Variants in DROSHA observed in about 807,000 individuals in gnomAD.
DROSHA encodes the protein drosha ribonuclease III, also known as ribonuclease 3.
DROSHA carries 56 observed loss-of-function variants against 181.9 expected under a neutral mutation model. The observed-to-expected ratio is 0.31, with a 90% confidence interval of 0.25 to 0.38. The LOEUF is 0.38. Ranked by LOEUF, DROSHA falls within the 10% of genes least tolerant of loss-of-function variation. The probability of loss-of-function intolerance (pLI) is 1.00; values close to 1 mark genes in which losing one functional copy is unlikely to be tolerated. For synonymous variants in DROSHA, 524 were observed against 591.2 expected, an observed-to-expected ratio of 0.89 and a Z score of 1.65; for missense variants, 1,218 against 1,743.5, an observed-to-expected ratio of 0.70 and a Z score of 5.37.
At chr5:31,447,065 AC>A (rs1354616728) in intron 23 of DROSHA, among the ~76,000 whole-genome samples, 1 of 152,150 alleles carries the variant, frequency 6.6e-6, no homozygotes, top group Non-Finnish European at 1.5e-5. Flanking sequence ...GTACTTACAC[AC>A]CATGGAATAC....
At chr5:31,428,715 G>A (rs1401084821) in intron 27 of DROSHA, among the ~76,000 whole-genome samples, 2 of 152,112 alleles carry the variant, frequency 1.3e-5, no homozygotes, top group Non-Finnish European at 2.9e-5. Context: ...TTTCACAGAG[G>A]CTTAAAACTG....
At chr5:31,493,613 T>G (rs1237238802) in intron 12 of DROSHA, among the ~76,000 whole-genome samples, 2 of 152,208 alleles carry the variant, frequency 1.3e-5, no homozygotes, top group African/African-American at 4.8e-5. Flanking sequence ...GAACTATGTT[T>G]CTGAACTAAC....
At chr5:31,475,989 G>A (rs1750319031) in intron 16 of DROSHA, among the ~76,000 whole-genome samples, 1 of 152,126 alleles carries the variant, frequency 6.6e-6, no homozygotes, top group Non-Finnish European at 1.5e-5. Flanking sequence ...TACAAACCAA[G>A]ACTCACTTAA....
At chr5:31,477,383 G>A (rs534638720) in intron 16 of DROSHA, among the ~76,000 whole-genome samples, 13 of 152,244 alleles carry the variant, frequency 8.5e-5, no homozygotes, top group African/African-American at 2.2e-4. Flanking sequence ...GTATGACTGC[G>A]TTTCTGTGTC....
intron 21 of DROSHA, 109 bp downstream of exon 21, chr5:31,451,424 C>T: frequency 1.1e-6 from 1 of 916,306 alleles, no homozygotes; most frequent in East Asian, 2.7e-5. Context: ...ATGTTTCTAA[C>T]AATCCTTGTC....
At chr5:31,491,465 T>G (rs1297966843) in intron 13 of DROSHA, among the ~76,000 whole-genome samples, 16 of 152,228 alleles carry the variant, frequency 1.1e-4, no homozygotes, top group Non-Finnish European at 1.9e-4. Flanking sequence ...ACTGCTATCC[T>G]TCTTTGTTTA....
At chr5:31,483,729 T>C in intron 15 of DROSHA, 101 bp from the exon 16 acceptor site, 7 of 1,167,542 alleles carry the variant, frequency 6.0e-6, no homozygotes, top group Non-Finnish European at 7.2e-6. Context: ...CCACAAAAAC[T>C]ACCACCAGAA....
chr5:31,456,600 G>A (rs112536248), intron 20 of DROSHA, among the ~76,000 whole-genome samples: 12 of 151,980 alleles, frequency 7.9e-5, no homozygotes, highest in South Asian at 6.2e-4. Context: ...AAGCCTTCCC[G>A]AATACAAAGG....
At chr5:31,444,042 A>C (rs1198899606) in intron 23 of DROSHA, among the ~76,000 whole-genome samples, 1 of 152,230 alleles carries the variant, frequency 6.6e-6, no homozygotes, top group Admixed American at 6.5e-5. Flanking sequence ...TCCATAAAAC[A>C]AATACCAGCA....
intron 22 of DROSHA, 132 bp downstream of exon 22, chr5:31,449,149 A>AT: frequency 8.3e-7 from 1 of 1,201,838 alleles, no homozygotes; most frequent in Non-Finnish European, 1.1e-6. Flanking sequence ...AAAAAAAAAA[A>AT]GAGTCAGTAA....
At chr5:31,515,311 A>C in intron 7 of DROSHA, 92 bp from the exon 8 acceptor site, 1 of 1,375,956 alleles carries the variant, frequency 7.3e-7, no homozygotes, top group Admixed American at 2.3e-5. Context: ...TTTTTCACCT[A>C]AAATATGAAT....
At chr5:31,406,770 T>C in intron 34 of DROSHA, 83 bp downstream of exon 34, 10 of 1,257,922 alleles carry the variant, frequency 7.9e-6, no homozygotes, top group Non-Finnish European at 7.9e-6. Flanking sequence ...AAAAGACAGA[T>C]GACTGAGTTT....
intron 16 of DROSHA, among the ~76,000 whole-genome samples, chr5:31,476,539 G>A (rs1750391290): frequency 6.6e-6 from 1 of 152,170 alleles, no homozygotes; most frequent in African/African-American, 2.4e-5. Flanking sequence ...CAACACTGAA[G>A]GAGAAACCAC....
chr5:31,434,017 C>G (rs772487708), intron 25 of DROSHA, among the ~76,000 whole-genome samples: 5 of 152,214 alleles, frequency 3.3e-5, no homozygotes, highest in Non-Finnish European at 5.9e-5. Context: ...CTGGTCTATA[C>G]AGAAGAAAGG....
chr5:31,492,170 T>C (rs1372328600), intron 13 of DROSHA, among the ~76,000 whole-genome samples: 1 of 152,256 alleles, frequency 6.6e-6, no homozygotes, highest in Admixed American at 6.5e-5. Flanking sequence ...GAAATGATTT[T>C]ATTTTTACAT....
At chr5:31,466,463 A>G in intron 18 of DROSHA, 182 bp from the exon 19 acceptor site, 1 of 547,828 alleles carries the variant, frequency 1.8e-6, no homozygotes, top group Non-Finnish European at 3.3e-6. Context: ...AGGATGGACA[A>G]GAGTCAACTG....
At chr5:31,481,504 A>G (rs1254056800) in intron 16 of DROSHA, among the ~76,000 whole-genome samples, 2 of 152,228 alleles carry the variant, frequency 1.3e-5, no homozygotes, top group South Asian at 4.1e-4. Flanking sequence ...AATTCACTCT[A>G]ACACCATTTT....
chr5:31,433,122 T>C (rs1744367005), intron 25 of DROSHA, among the ~76,000 whole-genome samples: 1 of 152,142 alleles, frequency 6.6e-6, no homozygotes, highest in African/African-American at 2.4e-5. Context: ...ACAAAAGACA[T>C]AGATTCTGTG....
intron 23 of DROSHA, among the ~76,000 whole-genome samples, chr5:31,443,850 G>A (rs1745946893): frequency 6.6e-6 from 1 of 152,132 alleles, no homozygotes; most frequent in Non-Finnish European, 1.5e-5. Context: ...AAAGTAGTGT[G>A]ACGAATGGCA....
Sources: gnomAD v4.1 joint callset for allele counts (sites outside exome capture counted in the v4.1 genomes callset) on GRCh38, gnomAD v4.1.1 for gene constraint, MANE v1.5 for transcripts, NCBI Gene and HGNC (gene_info 2026-07-23, HGNC 2026-07-21) for gene names.